The following RUNX1T1 variants were observed in gnomAD, a reference collection of about 807,000 sequenced individuals.
RUNX1T1 encodes the protein RUNX1 partner transcriptional co-repressor 1, also known as protein CBFA2T1.
In RUNX1T1, 4 loss-of-function variants were observed where a neutral mutation model predicts 62.8. The observed-to-expected ratio is 0.06, with a 90% CI of 0.03 to 0.15. The LOEUF (loss-of-function observed/expected upper bound fraction) is 0.15. Among genes scored for constraint, RUNX1T1 ranks in the 10% least tolerant of loss-of-function variants. The pLI, the probability that RUNX1T1 is intolerant of heterozygous loss-of-function variation, is 1.00. For missense variants in RUNX1T1, 508 were observed against 754.3 expected (o/e 0.67, Z 3.82); for synonymous variants, 291 against 286.0 (o/e 1.02, Z -0.18).
intron 1 of RUNX1T1, among the ~76,000 whole-genome samples, chr8:92,080,370 G>A (rs1835059375): frequency 6.6e-6 from 1 of 152,182 alleles, no homozygotes; most frequent in African/African-American, 2.4e-5. Context: ...GCCAGGTACT[G>A]TTCACAGAAG....
intron 10 of RUNX1T1, among the ~76,000 whole-genome samples, chr8:91,960,833 T>C (rs1810281009): frequency 6.6e-6 from 1 of 152,212 alleles, no homozygotes; most frequent in Non-Finnish European, 1.5e-5. Flanking sequence ...CCTTCACTCA[T>C]ACTGACTAGC....
exon 11 of RUNX1T1, chr8:91,959,895 G>C: frequency 3.0e-6 from 1 of 330,510 alleles, no homozygotes; most frequent in Non-Finnish European, 5.7e-6. Context: ...TTGCTGTTTG[G>C]TAAAGCATCG....
chr8:91,994,968 G>A (rs1488270140), intron 5 of RUNX1T1, among the ~76,000 whole-genome samples: 1 of 152,144 alleles, frequency 6.6e-6, no homozygotes, highest in Non-Finnish European at 1.5e-5. Context: ...TAGTCCTCTG[G>A]CCAAACCATA....
chr8:91,998,103 G>A (rs186795712), intron 5 of RUNX1T1, among the ~76,000 whole-genome samples: 194 of 152,078 alleles, frequency 1.3e-3, no homozygotes, highest in African/African-American at 4.4e-3. Context: ...ATCAAGGGGG[G>A]GAAAATCACT....
At chr8:92,017,183 A>C in intron 2 of RUNX1T1, 43 bp downstream of exon 3, 1 of 1,366,060 alleles carries the variant, frequency 7.3e-7, no homozygotes, top group African/African-American at 1.5e-5. Flanking sequence ...AATTTAATTT[A>C]AACTTTAAAA....
rs1050155019 is a variant in RUNX1T1, at chr8:92,073,917, A to G, written c.88+2048T>C. On this transcript the variant is annotated intron_variant, in intron 2 of 11. Transcript: ENST00000265814. ...CTCACTTTGTTGCCCAGACTGGTCTAGAACTCCTGAGTTCAAGCAATCCTC... is the reference window on the plus strand; with the variant it reads ...CTCACTTTGTTGCCCAGACTGGTCTGGAACTCCTGAGTTCAAGCAATCCTC... 2.6e-5 allele frequency among the ~76,000 whole-genome samples: 4 copies of G among 152,232 alleles called. No homozygotes were observed. In the East Asian group the frequency reaches 7.7e-4, roughly 29 times the overall value.
chr8:92,068,988 C>A (rs556201187), intron 2 of RUNX1T1, among the ~76,000 whole-genome samples: 147 of 152,128 alleles, frequency 9.7e-4, no homozygotes, highest in African/African-American at 3.4e-3. Flanking sequence ...TAGTAATAAT[C>A]ATCATCATCA....
chr8:91,960,579 GA>G, intron 10 of RUNX1T1, 62 bp from the exon 12 acceptor site: 8 of 1,535,546 alleles, frequency 5.2e-6, no homozygotes, highest in Non-Finnish European at 7.1e-6. Context: ...ACAATAGTCT[GA>G]CAAATATGTT....
At position 92,048,400 on chromosome 8, in the gene RUNX1T1, G is replaced by A. The variant is rs544054551; in HGVS notation, c.7+14146C>T. 2.8e-3 allele frequency among the ~76,000 whole-genome samples: 422 copies of A among 152,136 alleles called. 3 individuals are homozygous for A. Among genetic ancestry groups the A allele is most frequent in the African/African-American group, 9.4e-3 (389 of 41,520 alleles). ...AATTCCTAAAAATATTACAACTGGC[G>A]GGGTATGGTGGCTCATACCTGTAAT... On this transcript the variant is annotated intron_variant, in intron 1 of 10. Coordinates refer to ENST00000396218, the Ensembl canonical transcript of RUNX1T1.
chr8:92,005,072 T>C (rs768233983), intron 5 of RUNX1T1, 44 bp downstream of exon 6: 16 of 1,509,044 alleles, frequency 1.1e-5, no homozygotes, highest in Admixed American at 6.6e-5. Flanking sequence ...GCCACAGGTA[T>C]GGGAAAAAGG....
At chr8:92,012,176 T>C (rs967914822) in intron 3 of RUNX1T1, among the ~76,000 whole-genome samples, 8 of 152,218 alleles carry the variant, frequency 5.3e-5, no homozygotes, top group Admixed American at 3.3e-4. Flanking sequence ...TAACTTCCTA[T>C]GTGTAACAAT....
intron 5 of RUNX1T1, among the ~76,000 whole-genome samples, chr8:91,992,163 G>A (rs1334968849): frequency 6.6e-6 from 1 of 152,116 alleles, no homozygotes; most frequent in Non-Finnish European, 1.5e-5. Flanking sequence ...TCACAAACAA[G>A]AGGAAACTCA....
chr8:91,958,747 A>C (rs1233829833), downstream of RUNX1T1: 78 of 144,720 alleles, frequency 5.4e-4, no homozygotes, highest in Non-Finnish European at 7.7e-4. Flanking sequence ...AAAAAAAAAA[A>C]CAAAAAGCAT....
At chr8:91,956,592 G>C, downstream of RUNX1T1, 1 of 219,850 alleles carries the variant, frequency 4.5e-6, no homozygotes, top group Non-Finnish European at 9.1e-6. Flanking sequence ...ATACATTACA[G>C]TCCAACTAAG....
chr8:92,017,433 T>A, intron 1 of RUNX1T1, 70 bp from the exon 3 acceptor site: 1 of 1,611,440 alleles, frequency 6.2e-7, no homozygotes, highest in Non-Finnish European at 8.5e-7. Flanking sequence ...GGGGTTTATC[T>A]TTTTTAAAAG....
intron 1 of RUNX1T1, among the ~76,000 whole-genome samples, chr8:92,052,645 C>A (rs1830412066): frequency 6.6e-6 from 1 of 152,166 alleles, no homozygotes; most frequent in African/African-American, 2.4e-5. Context: ...AAGTGGTTCT[C>A]CACTTGAATA....
At chr8:92,086,326 C>T (rs1436969872) in intron 1 of RUNX1T1, among the ~76,000 whole-genome samples, 1 of 152,182 alleles carries the variant, frequency 6.6e-6, no homozygotes, top group African/African-American at 2.4e-5. Context: ...AAGCAGGCTG[C>T]ACTGGTCAAA....
intron 9 of RUNX1T1, among the ~76,000 whole-genome samples, chr8:91,972,595 G>A (rs1813082124): frequency 6.6e-6 from 1 of 151,828 alleles, no homozygotes; most frequent in South Asian, 2.1e-4. Flanking sequence ...ATACAGCCAG[G>A]GTCTAATTTA....
chr8:92,020,119 T>C (rs1310914685), intron 1 of RUNX1T1, among the ~76,000 whole-genome samples: 1 of 152,230 alleles, frequency 6.6e-6, no homozygotes, highest in African/African-American at 2.4e-5. Flanking sequence ...TAACTCATTC[T>C]GTGCTGTTCA....
Sources: allele counts gnomAD v4.1 joint callset (sites outside exome capture counted in the v4.1 genomes callset), GRCh38; gene constraint gnomAD v4.1.1; transcripts MANE v1.5; gene names NCBI Gene and HGNC (gene_info 2026-07-23, HGNC 2026-07-21).